Variants in TRPM1 observed in about 807,000 individuals in gnomAD.
The protein encoded by TRPM1 is transient receptor potential cation channel subfamily M member 1.
TRPM1 carries 113 observed loss-of-function variants against 149.4 expected under a neutral mutation model. That is an observed-to-expected ratio of 0.76 (90% CI 0.65 to 0.88). The LOEUF is 0.88. Ranked by LOEUF, TRPM1 falls within the 40% of genes least tolerant of loss-of-function variation. The probability of loss-of-function intolerance (pLI) is 0.00; values close to 1 mark genes in which losing one functional copy is unlikely to be tolerated. For missense variants in TRPM1, 1,976 were observed against 2,038.7 expected (o/e 0.97, Z 0.59); for synonymous variants, 741 against 759.5 (o/e 0.98, Z 0.40).
chr15:31,155,409 C>A (rs1176266815), intron 1 of TRPM1, among the ~76,000 whole-genome samples: 3 of 152,238 alleles, frequency 2.0e-5, no homozygotes, highest in Admixed American at 2.0e-4. Flanking sequence ...GGGGAGTTTG[C>A]AGAAGTTCTT....
intron 1 of TRPM1, among the ~76,000 whole-genome samples, chr15:31,088,613 G>A (rs1425856879): frequency 6.6e-6 from 1 of 152,168 alleles, no homozygotes; most frequent in Admixed American, 6.5e-5. Flanking sequence ...AGGAAGAAAC[G>A]TAGGAAACAT....
At chr15:31,096,722 T>C (rs1260356423) in intron 1 of TRPM1, among the ~76,000 whole-genome samples, 1 of 152,220 alleles carries the variant, frequency 6.6e-6, no homozygotes. Context: ...TACCCTCTCC[T>C]TTCCCGATGT....
At chr15:31,141,972 G>A (rs2036168370) in intron 1 of TRPM1, among the ~76,000 whole-genome samples, 1 of 152,140 alleles carries the variant, frequency 6.6e-6, no homozygotes, top group Non-Finnish European at 1.5e-5. Flanking sequence ...TGTAATCCCA[G>A]CACTCTGGGA....
chr15:31,092,468 G>A (rs920480811), intron 1 of TRPM1, among the ~76,000 whole-genome samples: 1 of 152,148 alleles, frequency 6.6e-6, no homozygotes, highest in Non-Finnish European at 1.5e-5. Context: ...CCAGGCAGCC[G>A]GACCTGGACC....
chr15:31,097,563 A>C (rs2035418265), intron 1 of TRPM1, among the ~76,000 whole-genome samples: 1 of 152,182 alleles, frequency 6.6e-6, no homozygotes, highest in African/African-American at 2.4e-5. Flanking sequence ...GGAAACCTCC[A>C]CTTTTTTGTT....
intron 1 of TRPM1, among the ~76,000 whole-genome samples, chr15:31,097,518 C>T (rs28615582): frequency 0.29 from 44,319 of 151,966 alleles, 7,240 homozygotes; most frequent in African/African-American, 0.43. Context: ...TGTATGGATG[C>T]TTGTTGCAGT....
At chr15:31,105,321 C>A (rs2035587657), upstream of TRPM1, among the ~76,000 whole-genome samples, 1 of 152,176 alleles carries the variant, frequency 6.6e-6, no homozygotes, top group East Asian at 1.9e-4. Flanking sequence ...AGGCACTTCT[C>A]CAAGGAGCCC....
intron 1 of TRPM1, among the ~76,000 whole-genome samples, chr15:31,090,669 C>A (rs1368730620): frequency 6.6e-6 from 1 of 151,652 alleles, no homozygotes; most frequent in African/African-American, 2.4e-5. Flanking sequence ...AAAGAAACTG[C>A]ACCCTGGAAA....
At chr15:31,104,648 C>G (rs936402657), upstream of TRPM1, among the ~76,000 whole-genome samples, 1 of 130,564 alleles carries the variant, frequency 7.7e-6, no homozygotes, top group African/African-American at 3.0e-5. Flanking sequence ...GGCTGGAGTG[C>G]AGTGGCGCCA....
At chr15:31,068,737 T>A (rs1596035869) in intron 4 of TRPM1, among the ~76,000 whole-genome samples, 1 of 70,298 alleles carries the variant, frequency 1.4e-5, no homozygotes, top group Non-Finnish European at 2.5e-5. Flanking sequence ...AGATCGAAAC[T>A]CCAACTCAAA....
At chr15:31,009,288 G>C (rs1340161492) in intron 27 of TRPM1, among the ~76,000 whole-genome samples, 1 of 152,028 alleles carries the variant, frequency 6.6e-6, no homozygotes, top group Non-Finnish European at 1.5e-5. Flanking sequence ...TTGAGCCCAG[G>C]TGTTTGAGTT....
chr15:31,070,178 A>T lies in TRPM1; in HGVS notation c.132T>A (p.Ser44Arg). ...CCTCTTCATTTTTGCTGGGTGTTGC[A>T]CTTGGCAGAGGGGGGATATGCTGGT... ...FTNQHIPPLP[S>R]ATPSKNEEES... Residue 44 changes from serine (S) to arginine (R), a missense_variant, in exon 4 of 28, where the codon AGT (serine) becomes AGA (arginine). Ser to Arg is a moderately radical substitution (Grantham distance 110, BLOSUM62 -1). Transcript: ENST00000256552. 1 of 1,614,050 alleles carries T rather than the reference A, an allele frequency of 6.2e-7. No individual in the cohort carries two copies. Among genetic ancestry groups the T allele is most frequent in the Non-Finnish European group, 8.5e-7 (1 of 1,179,960 alleles).
intron 1 of TRPM1, among the ~76,000 whole-genome samples, chr15:31,090,108 G>A (rs2035191280): frequency 6.6e-6 from 1 of 152,200 alleles, no homozygotes; most frequent in Admixed American, 6.5e-5. Flanking sequence ...GCCCCTAGCA[G>A]TAACCCCCAT....
intron 1 of TRPM1, among the ~76,000 whole-genome samples, chr15:31,089,530 C>T (rs1249612980): frequency 6.6e-6 from 1 of 152,196 alleles, no homozygotes; most frequent in Non-Finnish European, 1.5e-5. Context: ...AGCACATTCC[C>T]GGGCAGCGGT....
At chr15:31,067,308 C>T in intron 5 of TRPM1, 121 bp from the exon 6 acceptor site, 1 of 1,407,524 alleles carries the variant, frequency 7.1e-7, no homozygotes, top group South Asian at 1.2e-5. Flanking sequence ...GTGAGACACA[C>T]TCATCTTTAT....
chr15:31,041,446 G>T (rs1200468629), intron 17 of TRPM1, among the ~76,000 whole-genome samples: 3 of 152,112 alleles, frequency 2.0e-5, no homozygotes, highest in African/African-American at 7.2e-5. Flanking sequence ...CACCGTGCCC[G>T]GCCAGGAGAA....
intron 21 of TRPM1, 94 bp downstream of exon 21, chr15:31,035,452 G>A: frequency 6.4e-7 from 1 of 1,565,686 alleles, no homozygotes; most frequent in Non-Finnish European, 8.8e-7. Flanking sequence ...GGCCCAACAT[G>A]CATAATTTGC....
Position 31,001,861 on chromosome 15 carries a change from C to G in TRPM1, c.4839G>C (p.Lys1613Asn). 1 of 1,613,416 alleles carries G rather than the reference C, an allele frequency of 6.2e-7. No homozygotes were observed. The highest frequency in any genetic ancestry group is 8.5e-7 in the Non-Finnish European group (1 of 1,179,990). The change falls in exon 28 of 28, where the codon AAG becomes AAC. Residue 1613 changes from lysine to asparagine, a missense_variant. Coordinates refer to ENST00000256552, the MANE Select transcript of TRPM1 (RefSeq NM_001252024.2). ...CTGTGGAAGCTTTCTCTTTCTTAAC[C>G]TTTTTTTCTTCTGCTGTCATTCCAG... ...IVSGMTAEEK[K>N]VKKEKASTET...
Position 31,040,349 on chromosome 15 carries a change from G to T in TRPM1, c.2088-3C>A, listed in dbSNP as rs769044063. The stretch of plus-strand genomic sequence containing the variant: ...CCAAAGCAAGCTGGCCGAAGTCTCT[G>T]GGGGGAAAGAGAAGGGACCAGGGTG... On this transcript the variant is annotated splice_region_variant and splice_polypyrimidine_tract_variant and intron_variant, in intron 17 of 27. Coordinates refer to ENST00000256552, the MANE Select transcript of TRPM1 (RefSeq NM_001252024.2). This position sits in a 1 kb window ranked among gnomAD's most constrained non-coding sequence, Gnocchi z 4.2. The T allele has an allele frequency of 9.3e-6, 15 of 1,613,736 alleles. No individual in the cohort carries two copies. Among genetic ancestry groups the T allele is most frequent in the Non-Finnish European group, 1.3e-5 (15 of 1,179,666 alleles).
Sources: allele counts gnomAD v4.1 joint callset (sites outside exome capture counted in the v4.1 genomes callset), GRCh38; gene constraint gnomAD v4.1.1; non-coding constraint Gnocchi (gnomAD v3.1); transcripts MANE v1.5; gene names NCBI Gene and HGNC (gene_info 2026-07-23, HGNC 2026-07-21).